NMBR: variants seen among roughly 807,000 people sequenced by gnomAD.
NMBR encodes neuromedin-B receptor.
In NMBR, 16 loss-of-function variants were observed where a neutral mutation model predicts 20.5. That is an observed-to-expected ratio of 0.78 (90% CI 0.53 to 1.19). The LOEUF (loss-of-function observed/expected upper bound fraction) is 1.19. NMBR is among the 50% of genes most tolerant of loss of function. The pLI, the probability that NMBR is intolerant of heterozygous loss-of-function variation, is 0.00. For missense variants in NMBR, 582 were observed against 499.1 expected, an observed-to-expected ratio of 1.17 and a Z score of -1.58; for synonymous variants, 212 against 196.6, an observed-to-expected ratio of 1.08 and a Z score of -0.65.
chr6:142,094,147 T>A (rs1365488065), intron 1 of NMBR, among the ~76,000 whole-genome samples: 2 of 152,110 alleles, frequency 1.3e-5, no homozygotes, highest in Admixed American at 6.6e-5. Flanking sequence ...CGAAGCTCTT[T>A]AGTTTAATTA....
intron 1 of NMBR, among the ~76,000 whole-genome samples, chr6:142,122,870 C>G (rs1777969465): frequency 6.6e-6 from 1 of 151,876 alleles, no homozygotes; most frequent in South Asian, 2.1e-4. Flanking sequence ...TGCTCATTGA[C>G]AGTGCACCTA....
At chr6:142,146,024 A>G (rs1215920426) in intron 1 of NMBR, among the ~76,000 whole-genome samples, 2 of 152,242 alleles carry the variant, frequency 1.3e-5, no homozygotes, top group Admixed American at 6.5e-5. Flanking sequence ...CAATCTAGCA[A>G]CTTTTGACTG....
chr6:142,106,469 T>A (rs545012330), intron 1 of NMBR, among the ~76,000 whole-genome samples: 2 of 152,250 alleles, frequency 1.3e-5, no homozygotes, highest in African/African-American at 4.8e-5. Context: ...CATTCCTGTT[T>A]TACCAAAAAC....
chr6:142,102,314 C>T (rs909888468), intron 1 of NMBR, among the ~76,000 whole-genome samples: 4 of 149,802 alleles, frequency 2.7e-5, no homozygotes, highest in Admixed American at 6.7e-5. Context: ...GGCATGAACC[C>T]GGAAGGTGGA....
Position 142,075,895 on chromosome 6 carries a change from G to A in NMBR, c.926C>T (p.Ala309Val). 1 of 1,614,030 alleles carries A rather than the reference G, an allele frequency of 6.2e-7. No homozygotes were observed. The highest frequency in any genetic ancestry group is 1.3e-5 in the African/African-American group (1 of 75,008). ...AGAATTGCCAAAACTGAGAACCCGG[G>A]CAACTAAGGTGACAATCATGTGGCC... ...SLGHMIVTLV[A>V]RVLSFGNSCV... is the part of the protein sequence containing the mutation. Residue 309 changes from alanine to valine, a missense_variant, in exon 4 of 4, where the codon GCC becomes GTC. Physicochemically the swap from Ala to Val is moderately conservative, Grantham distance 64. Coordinates refer to ENST00000258042, the MANE Select transcript of NMBR (RefSeq NM_002511.4).
Position 142,075,810 on chromosome 6 carries a change from G to C in NMBR, c.1011C>G (p.Ser337Arg). The change falls in exon 4 of 4, where the codon AGC (serine) becomes AGG (arginine). Residue 337 changes from serine (S) to arginine (R), a missense_variant. By Grantham distance (110) the Ser-to-Arg change is moderately radical (BLOSUM62 -1). Coordinates refer to ENST00000258042, the MANE Select transcript of NMBR (RefSeq NM_002511.4). ...AGGACTTCCTCCCACAGCAGAGTTGGCTGTTGAAATGCCTCCTGAAGCTTT... is the reference window on the plus strand; with the variant it reads ...AGGACTTCCTCCCACAGCAGAGTTGCCTGTTGAAATGCCTCCTGAAGCTTT... ...LSESFRRHFN[S>R]QLCCGRKSYQ... 2.5e-6 allele frequency: 4 copies of C among 1,614,118 alleles called. No homozygotes were observed. The highest frequency in any genetic ancestry group is 3.4e-6 in the Non-Finnish European group (4 of 1,179,978).
chr6:142,095,091 T>C (rs912010917), intron 1 of NMBR, among the ~76,000 whole-genome samples: 2 of 152,146 alleles, frequency 1.3e-5, no homozygotes, highest in Non-Finnish European at 2.9e-5. Context: ...AATCATGTCA[T>C]CTGCAAACAG....
At chr6:142,077,831 C>T (rs569843949) in intron 3 of NMBR, among the ~76,000 whole-genome samples, 8 of 152,282 alleles carry the variant, frequency 5.3e-5, no homozygotes, top group African/African-American at 1.7e-4. Context: ...AATGTACAAC[C>T]AGAAACTCTT....
At chr6:142,140,348 T>G (rs1417186730) in intron 1 of NMBR, among the ~76,000 whole-genome samples, 2 of 151,988 alleles carry the variant, frequency 1.3e-5, no homozygotes, top group Non-Finnish European at 2.9e-5. Flanking sequence ...AGTTGAAGTA[T>G]GCTGTGATAA....
intron 1 of NMBR, among the ~76,000 whole-genome samples, chr6:142,140,667 T>G (rs1195699504): frequency 6.6e-6 from 1 of 152,142 alleles, no homozygotes; most frequent in Non-Finnish European, 1.5e-5. Context: ...GAACCCCACT[T>G]TAAACATTTT....
At chr6:142,118,844 C>T (rs531518736) in intron 1 of NMBR, among the ~76,000 whole-genome samples, 1 of 152,068 alleles carries the variant, frequency 6.6e-6, no homozygotes, top group African/African-American at 2.4e-5. Flanking sequence ...ACAGCATTCT[C>T]TTATTTGTGT....
At chr6:142,123,267 G>A (rs780494277) in intron 1 of NMBR, among the ~76,000 whole-genome samples, 1 of 151,900 alleles carries the variant, frequency 6.6e-6, no homozygotes, top group African/African-American at 2.4e-5. Context: ...AATTAGAAGT[G>A]GGGGGCCTGA....
At chr6:142,131,000 C>T (rs544495311) in intron 1 of NMBR, among the ~76,000 whole-genome samples, 1 of 152,086 alleles carries the variant, frequency 6.6e-6, no homozygotes, top group Non-Finnish European at 1.5e-5. Context: ...GACCAGTGAC[C>T]GTTACATATC....
chr6:142,085,175 T>C (rs953536540), intron 2 of NMBR, among the ~76,000 whole-genome samples: 7 of 152,166 alleles, frequency 4.6e-5, no homozygotes, highest in African/African-American at 1.7e-4. Context: ...AGCTGTTGCC[T>C]AGGGATGTGT....
intron 1 of NMBR, among the ~76,000 whole-genome samples, chr6:142,092,027 A>G (rs965382885): frequency 6.6e-6 from 1 of 152,142 alleles, no homozygotes; most frequent in African/African-American, 2.4e-5. Context: ...ATACTTATGG[A>G]GACATTTTAT....
At chr6:142,094,137 C>A (rs375974355) in intron 1 of NMBR, among the ~76,000 whole-genome samples, 1,705 of 151,668 alleles carry the variant, frequency 0.011, 28 homozygotes, top group African/African-American at 0.035. Flanking sequence ...TTTGCTGTGC[C>A]GAAGCTCTTT....
intron 2 of NMBR, among the ~76,000 whole-genome samples, chr6:142,087,299 T>A (rs769680461): frequency 6.6e-5 from 10 of 152,180 alleles, no homozygotes; most frequent in South Asian, 2.1e-4. Context: ...ATTATCCAAG[T>A]TAATTGTTTA....
At chr6:142,085,002 A>G (rs543165671) in intron 2 of NMBR, among the ~76,000 whole-genome samples, 1 of 152,368 alleles carries the variant, frequency 6.6e-6, no homozygotes, top group South Asian at 2.1e-4. Context: ...CAAGCAATAT[A>G]CATTTTCAAA....
intron 1 of NMBR, among the ~76,000 whole-genome samples, chr6:142,091,463 A>T (rs1344838029): frequency 2.0e-5 from 3 of 152,128 alleles, no homozygotes; most frequent in Non-Finnish European, 4.4e-5. Flanking sequence ...GGGCTCAAGC[A>T]ATCCTCTTGC....
Sources: allele counts gnomAD v4.1 joint callset (sites outside exome capture counted in the v4.1 genomes callset), GRCh38; gene constraint gnomAD v4.1.1; transcripts MANE v1.5; gene names NCBI Gene and HGNC (gene_info 2026-07-23, HGNC 2026-07-21).